The following TIAM2 variants were observed in gnomAD, a reference collection of about 807,000 sequenced individuals.
TIAM2 encodes rho guanine nucleotide exchange factor TIAM2.
A neutral mutation model predicts 152.9 loss-of-function variants in TIAM2; 80 were observed. The ratio of observed to expected loss-of-function variants is 0.52; its 90% CI spans 0.44 to 0.63. The LOEUF (loss-of-function observed/expected upper bound fraction) is 0.63, where lower values mean the gene tolerates loss of function less well. Among genes scored for constraint, TIAM2 ranks in the 30% least tolerant of loss-of-function variants. The pLI is 0.00. For synonymous variants in TIAM2, 804 were observed against 838.0 expected (o/e 0.96, Z 0.70); for missense variants, 1,965 against 2,120.1 (o/e 0.93, Z 1.44).
At chr6:155,132,442 C>A (rs534276102) in intron 4 of TIAM2, among the ~76,000 whole-genome samples, 1 of 152,058 alleles carries the variant, frequency 6.6e-6, no homozygotes, top group East Asian at 1.9e-4. Context: ...TTCCTTCACA[C>A]AGAGGTGAAG....
chr6:155,128,592 G>A (rs1215724735), intron 3 of TIAM2, among the ~76,000 whole-genome samples: 1 of 151,944 alleles, frequency 6.6e-6, no homozygotes, highest in Admixed American at 6.6e-5. Context: ...AGGTGTGGTG[G>A]CTCACACCTG....
In TIAM2 at chr6:155,130,298, C is replaced by T. The variant is rs535604546; in HGVS notation, c.1075C>T (p.Pro359Ser). 2 of 1,614,076 alleles carry T rather than the reference C, an allele frequency of 1.2e-6. No individual in the cohort carries two copies. ...DPIQYSSFTL[P>S]CRKPKAFVED... The stretch of plus-strand genomic sequence containing the variant: ...CATCCAGTACAGTTCCTTCACTCTC[C>T]CCTGTCGGAAGCCCAAAGCCTTTGT... The change falls in exon 4 of 27, where the codon CCC (proline) becomes TCC (serine). Residue 359 changes from proline (P) to serine (S), a missense_variant. This residue lies in a region of TIAM2 where 1,025 missense variants were observed against 1,119.4 expected (regional missense o/e 0.92). Transcript: ENST00000682666.
chr6:155,009,955 T>C (rs1481595879), intron 1 of TIAM2, among the ~76,000 whole-genome samples: 1 of 151,888 alleles, frequency 6.6e-6, no homozygotes, highest in Non-Finnish European at 1.5e-5. Context: ...TGGGTTCAAG[T>C]CATTCTCGTG....
At chr6:155,114,050 C>CTTTTTTTTTTTT (rs1275422426) in intron 2 of TIAM2, among the ~76,000 whole-genome samples, 16 of 58,248 alleles carry the variant, frequency 2.7e-4, no homozygotes, top group Non-Finnish European at 4.6e-4. Flanking sequence ...TTTTTTTTTT[C>CTTTTTTTTTTTT]TTTTTTTTTT....
chr6:155,000,748 G>A (rs1400760668), intron 1 of TIAM2, among the ~76,000 whole-genome samples: 1 of 152,260 alleles, frequency 6.6e-6, no homozygotes, highest in African/African-American at 2.4e-5. Flanking sequence ...ACTCTGGGAG[G>A]CCGACGCTGG....
intron 14 of TIAM2, among the ~76,000 whole-genome samples, chr6:155,202,016 C>T (rs976477489): frequency 2.3e-5 from 3 of 131,786 alleles, no homozygotes; most frequent in Non-Finnish European, 3.2e-5. Flanking sequence ...TTGAATTTCC[C>T]TGACATGAGT....
At chr6:155,113,314 G>C (rs1778905098) in intron 2 of TIAM2, among the ~76,000 whole-genome samples, 1 of 152,072 alleles carries the variant, frequency 6.6e-6, no homozygotes, top group South Asian at 2.1e-4. Flanking sequence ...TCACCATTCA[G>C]AGAGGCTTCC....
intron 1 of TIAM2, among the ~76,000 whole-genome samples, chr6:155,022,121 G>A (rs1562292397): frequency 6.6e-6 from 1 of 152,086 alleles, no homozygotes; most frequent in Non-Finnish European, 1.5e-5. Flanking sequence ...GAACTCACTC[G>A]TCCTGATATA....
chr6:155,251,997 G>C lies in TIAM2; in HGVS notation c.4113G>C (p.Lys1371Asn). The change falls in exon 23 of 27, where the codon AAG becomes AAC. Residue 1371 changes from lysine to asparagine, a missense_variant. Lys to Asn is a moderately conservative substitution (Grantham distance 94, BLOSUM62 0). Transcript: ENST00000682666. ...ATAAAGAAAACTGCAAACTGAAAAA[G>C]AAATTGGTAAGGCAAAAATTCATTT... ...LVYKENCKLK[K>N]KLPSNSRPAH... 6.2e-7 allele frequency: 1 copy of C among 1,604,906 alleles called. No individual in the cohort carries two copies. Among genetic ancestry groups the C allele is most frequent in the Non-Finnish European group, 8.5e-7 (1 of 1,176,450 alleles).
chr6:155,250,017 G>A (rs772145966), intron 21 of TIAM2, 48 bp downstream of exon 21: 1 of 1,439,708 alleles, frequency 6.9e-7, no homozygotes, highest in Non-Finnish European at 9.6e-7. Context: ...GTGGTGTGGG[G>A]TCTGTAGGTG....
At chr6:155,028,941 ACT>A (rs1776716934) in intron 1 of TIAM2, among the ~76,000 whole-genome samples, 1 of 112,696 alleles carries the variant, frequency 8.9e-6, no homozygotes, top group South Asian at 2.6e-4. Context: ...TACTATATAT[ACT>A]ATGTTATATA....
intron 6 of TIAM2, among the ~76,000 whole-genome samples, chr6:155,146,768 AT>A (rs373361803): frequency 3.1e-3 from 420 of 135,862 alleles, no homozygotes; most frequent in African/African-American, 9.9e-3. Flanking sequence ...TGCCTGGCTA[AT>A]TTTTTTTTTT....
intron 1 of TIAM2, among the ~76,000 whole-genome samples, chr6:155,001,354 A>G (rs1583144384): frequency 1.3e-5 from 2 of 151,966 alleles, no homozygotes; most frequent in East Asian, 3.9e-4. Context: ...TGATCCTTCC[A>G]CTCTTCTATC....
chr6:155,199,785 A>T (rs747603303), intron 14 of TIAM2, among the ~76,000 whole-genome samples: 38 of 152,194 alleles, frequency 2.5e-4, no homozygotes, highest in Non-Finnish European at 4.1e-4. Context: ...TGCGGTAGAG[A>T]ACGTGTTTGT....
At chr6:155,159,282 G>A (rs1030554305) in intron 7 of TIAM2, among the ~76,000 whole-genome samples, 6 of 152,158 alleles carry the variant, frequency 3.9e-5, no homozygotes, top group African/African-American at 1.2e-4. Context: ...AATACCTGGG[G>A]GTATATGGGC....
At chr6:155,155,996 C>T (rs1780099483) in intron 7 of TIAM2, among the ~76,000 whole-genome samples, 2 of 152,146 alleles carry the variant, frequency 1.3e-5, no homozygotes, top group Admixed American at 6.6e-5. Context: ...CTCAGTCTAG[C>T]AGGTGACAGA....
chr6:155,068,048 G>C (rs1777743358), intron 1 of TIAM2, among the ~76,000 whole-genome samples: 1 of 152,164 alleles, frequency 6.6e-6, no homozygotes, highest in Non-Finnish European at 1.5e-5. Flanking sequence ...ATTGGGAGAA[G>C]GGGTGATATG....
intron 16 of TIAM2, 37 bp downstream of exon 16, chr6:155,240,746 T>C: frequency 6.3e-7 from 1 of 1,578,846 alleles, no homozygotes; most frequent in Non-Finnish European, 8.6e-7. Flanking sequence ...TTCGTGCCTC[T>C]TTGATGATGG....
intron 2 of TIAM2, among the ~76,000 whole-genome samples, chr6:155,125,406 C>G (rs1257565434): frequency 6.6e-6 from 1 of 152,140 alleles, no homozygotes. Context: ...TGCTTATGTC[C>G]ATTAGGATAA....
Sources: gnomAD v4.1 joint callset for allele counts (sites outside exome capture counted in the v4.1 genomes callset) on GRCh38, gnomAD v4.1.1 for gene constraint, gnomAD v4.1.1 regional missense constraint, MANE v1.5 for transcripts, NCBI Gene and HGNC (gene_info 2026-07-23, HGNC 2026-07-21) for gene names.